The following SYCE1 variants were observed in gnomAD, a reference collection of about 807,000 sequenced individuals.
SYCE1 encodes synaptonemal complex central element protein 1, also known as cancer/testis antigen 76.
In SYCE1, 37 loss-of-function variants were observed where a neutral mutation model predicts 55.1. The ratio of observed to expected loss-of-function variants is 0.67; its 90% CI spans 0.52 to 0.88. SYCE1 has a LOEUF of 0.88. SYCE1 is among the 40% of genes least tolerant of loss of function. The pLI is 0.00. For synonymous variants in SYCE1, 163 were observed against 159.4 expected, an observed-to-expected ratio of 1.02 and a Z score of -0.17; for missense variants, 399 against 416.4, an observed-to-expected ratio of 0.96 and a Z score of 0.36.
intron 7 of SYCE1, 90 bp from the exon 8 acceptor site, chr10:133,556,912 G>T: frequency 1.3e-6 from 2 of 1,555,618 alleles, no homozygotes; most frequent in Non-Finnish European, 1.8e-6. Flanking sequence ...GGCAGATTTT[G>T]GGGTGCTTTG....
intron 1 of SYCE1, among the ~76,000 whole-genome samples, chr10:133,561,811 T>C (rs1851821049): frequency 6.6e-6 from 1 of 152,196 alleles, no homozygotes; most frequent in East Asian, 1.9e-4. Context: ...CCTTTTCCTA[T>C]TGGGTTTGGC....
At chr10:133,563,914 C>G (rs1313146973) in intron 1 of SYCE1, among the ~76,000 whole-genome samples, 2 of 152,110 alleles carry the variant, frequency 1.3e-5, no homozygotes, top group Non-Finnish European at 2.9e-5. Flanking sequence ...CTAGTAATAA[C>G]TGCAGCCAGT....
chr10:133,556,869 C>T, intron 7 of SYCE1, 47 bp from the exon 8 acceptor site: 4 of 1,601,866 alleles, frequency 2.5e-6, no homozygotes, highest in Non-Finnish European at 3.4e-6. Flanking sequence ...GAAATCACCA[C>T]CTTCACAGCC....
intron 11 of SYCE1, 28 bp from the exon 12 acceptor site, chr10:133,555,466 AG>A (rs1471327089): frequency 6.2e-6 from 10 of 1,613,230 alleles, no homozygotes; most frequent in Admixed American, 3.3e-5. Flanking sequence ...GGATGGGGGA[AG>A]GAAGAGGAGG....
At chr10:133,554,407 G>A, downstream of SYCE1, 2 of 1,298,028 alleles carry the variant, frequency 1.5e-6, no homozygotes, top group Admixed American at 1.7e-5. Flanking sequence ...TCCCACCATT[G>A]GTCTTGATTG....
chr10:133,560,421 G>A, intron 1 of SYCE1: 2 of 271,708 alleles, frequency 7.4e-6, no homozygotes, highest in Admixed American at 5.2e-5. Flanking sequence ...TAAGATCAAA[G>A]CTCCTGATAT....
At chr10:133,567,364 G>T (rs930922742), upstream of SYCE1, among the ~76,000 whole-genome samples, 2 of 151,618 alleles carry the variant, frequency 1.3e-5, no homozygotes, top group African/African-American at 4.9e-5. Flanking sequence ...GGTGTTAGGG[G>T]TTAGGGTTAA....
At chr10:133,560,410 G>A (rs564755298) in intron 1 of SYCE1, 2 of 299,820 alleles carry the variant, frequency 6.7e-6, no homozygotes, top group East Asian at 5.5e-5. Flanking sequence ...GCTGTTCAAA[G>A]TAAGATCAAA....
intron 1 of SYCE1, among the ~76,000 whole-genome samples, chr10:133,562,052 C>T (rs1851826207): frequency 1.3e-5 from 2 of 152,254 alleles, no homozygotes; most frequent in South Asian, 4.2e-4. Flanking sequence ...ATTGTCACCC[C>T]AACTGCAGTT....
chr10:133,556,092 C>T (rs759246147), intron 8 of SYCE1, 45 bp from the exon 9 acceptor site: 1 of 1,603,596 alleles, frequency 6.2e-7, no homozygotes, highest in Non-Finnish European at 8.5e-7. Flanking sequence ...TGGCTTTCCC[C>T]CATGCCTCAA....
downstream of SYCE1, chr10:133,554,586 G>C (rs1851605013): frequency 1.2e-5 from 8 of 679,770 alleles, no homozygotes; most frequent in Non-Finnish European, 1.9e-5. Flanking sequence ...AACCAGTGGG[G>C]ACTACCATAT....
At chr10:133,559,085 C>T (rs1207830588) in intron 3 of SYCE1, 134 bp from the exon 4 acceptor site, 1 of 1,056,284 alleles carries the variant, frequency 9.5e-7, no homozygotes. Context: ...GCTTCCAGCT[C>T]TCCTTGCCAG....
chr10:133,556,954 C>T, intron 7 of SYCE1, 113 bp downstream of exon 7: 1 of 1,481,926 alleles, frequency 6.7e-7, no homozygotes, highest in Non-Finnish European at 9.4e-7. Context: ...GGAACATCTT[C>T]ACCACCTTGA....
intron 1 of SYCE1, among the ~76,000 whole-genome samples, chr10:133,563,939 T>C (rs1052459554): frequency 1.3e-5 from 2 of 152,130 alleles, no homozygotes; most frequent in Non-Finnish European, 2.9e-5. Context: ...TGAAGACTAA[T>C]AGACTTTTTA....
chr10:133,557,970 T>C, intron 5 of SYCE1, 52 bp from the exon 6 acceptor site: 1 of 1,607,120 alleles, frequency 6.2e-7, no homozygotes, highest in East Asian at 2.2e-5. Context: ...TATTGGGTTT[T>C]GGCAGGGGGA....
chr10:133,558,154 G>C lies in SYCE1; in HGVS notation c.319+13C>G, dbSNP rs752630923. 6 of 1,614,030 alleles carry C rather than the reference G, an allele frequency of 3.7e-6. No individual in the cohort carries two copies. The highest frequency in any genetic ancestry group is 4.2e-6 in the Non-Finnish European group (5 of 1,179,990). Reference sequence around the variant, plus strand: ...CAAAGGCACAAGCCTGGAGACAGGGGAGCGGCAAATACCTTGTTTTTTGCT... The same window carrying C: ...CAAAGGCACAAGCCTGGAGACAGGGCAGCGGCAAATACCTTGTTTTTTGCT... On this transcript the variant is annotated intron_variant, in intron 5 of 12. Transcript: ENST00000343131.
At chr10:133,556,252 C>T (rs191290982) in intron 8 of SYCE1, 11 of 612,956 alleles carry the variant, frequency 1.8e-5, no homozygotes, top group African/African-American at 3.7e-5. Flanking sequence ...CACATCTCTG[C>T]GGTACTGCAG....
intron 1 of SYCE1, among the ~76,000 whole-genome samples, chr10:133,561,607 C>G (rs1315915358): frequency 1.3e-5 from 2 of 152,140 alleles, no homozygotes; most frequent in Admixed American, 6.5e-5. Context: ...AGTCTTCAGC[C>G]TAAGACCCAT....
chr10:133,568,259 C>T (rs1221727103), upstream of SYCE1: 5 of 1,426,498 alleles, frequency 3.5e-6, no homozygotes, highest in Non-Finnish European at 4.8e-6. Context: ...AGGCCGCGTT[C>T]CCCGGGTCCC....
Sources: gnomAD v4.1 joint callset for allele counts (sites outside exome capture counted in the v4.1 genomes callset) on GRCh38, gnomAD v4.1.1 for gene constraint, MANE v1.5 for transcripts, NCBI Gene and HGNC (gene_info 2026-07-23, HGNC 2026-07-21) for gene names.